The following CNTLN variants were observed in gnomAD, a reference collection of about 807,000 sequenced individuals.
The protein encoded by CNTLN is centlein, also known as centlein, centrosomal protein.
CNTLN carries 212 observed loss-of-function variants against 180.0 expected under a neutral mutation model. That is an observed-to-expected ratio of 1.18 (90% confidence interval 1.05 to 1.32). CNTLN has a LOEUF of 1.32. Among genes scored for constraint, CNTLN ranks in the 40% most tolerant of loss-of-function variants. CNTLN has a pLI of 0.00. For missense variants in CNTLN, 2,095 were observed against 1,610.9 expected (o/e 1.30, Z -5.14); for synonymous variants, 722 against 563.1 (o/e 1.28, Z -3.99).
chr9:17,375,975 C>T (rs1362160939), intron 13 of CNTLN, among the ~76,000 whole-genome samples: 1 of 152,154 alleles, frequency 6.6e-6, no homozygotes, highest in African/African-American at 2.4e-5. Flanking sequence ...TAGGTTTTGA[C>T]AATTTATACT....
intron 13 of CNTLN, among the ~76,000 whole-genome samples, chr9:17,381,772 G>T (rs543378187): frequency 5.3e-5 from 8 of 152,272 alleles, no homozygotes; most frequent in Non-Finnish European, 1.2e-4. Flanking sequence ...CTGTTGGTTG[G>T]CTGGAGTGCT....
At chr9:17,295,314 G>A (rs1452740208) in intron 6 of CNTLN, among the ~76,000 whole-genome samples, 21 of 152,164 alleles carry the variant, frequency 1.4e-4, no homozygotes, top group Admixed American at 1.3e-3. Flanking sequence ...CTCAAGCGCC[G>A]CCAGAGTGGG....
intron 5 of CNTLN, among the ~76,000 whole-genome samples, chr9:17,255,770 A>G (rs1052128064): frequency 1.3e-4 from 19 of 151,824 alleles, no homozygotes; most frequent in African/African-American, 4.6e-4. Context: ...AGAATTATCC[A>G]GTGAAACCAT....
intron 8 of CNTLN, among the ~76,000 whole-genome samples, chr9:17,323,468 G>A (rs1010749824): frequency 2.6e-5 from 4 of 152,174 alleles, no homozygotes; most frequent in Admixed American, 6.5e-5. Flanking sequence ...GGGAGTAGAA[G>A]CACAAGCTCC....
intron 19 of CNTLN, among the ~76,000 whole-genome samples, chr9:17,459,835 T>C (rs1588046681): frequency 6.6e-6 from 1 of 151,662 alleles, no homozygotes; most frequent in Non-Finnish European, 1.5e-5. Flanking sequence ...ATAACCTCAT[T>C]TTACCTGAAT....
At chr9:17,245,731 C>A (rs1576959) in intron 5 of CNTLN, among the ~76,000 whole-genome samples, 31,097 of 151,512 alleles carry the variant, frequency 0.21, 4,040 homozygotes, top group African/African-American at 0.36. Flanking sequence ...CATTCTTTTT[C>A]CTCATTTTTC....
intron 2 of CNTLN, among the ~76,000 whole-genome samples, chr9:17,221,948 A>G (rs1304868661): frequency 6.6e-6 from 1 of 151,946 alleles, no homozygotes; most frequent in African/African-American, 2.4e-5. Flanking sequence ...CTTTGGAAGA[A>G]CTGTTTATAT....
intron 5 of CNTLN, among the ~76,000 whole-genome samples, chr9:17,251,999 C>T (rs1378103263): frequency 6.6e-6 from 1 of 151,774 alleles, no homozygotes; most frequent in Admixed American, 6.6e-5. Flanking sequence ...ATTTGTCTTT[C>T]TCTGCCTGCC....
At chr9:17,231,927 A>C (rs117412762) in intron 3 of CNTLN, among the ~76,000 whole-genome samples, 2,871 of 149,216 alleles carry the variant, frequency 0.019, 39 homozygotes, top group Non-Finnish European at 0.033. Flanking sequence ...GCTTATCTGT[A>C]ATAAATTATT....
chr9:17,240,324 A>C (rs890873030), intron 5 of CNTLN, among the ~76,000 whole-genome samples: 2 of 152,244 alleles, frequency 1.3e-5, no homozygotes, highest in African/African-American at 4.8e-5. Flanking sequence ...ACCTTTCTGA[A>C]TAGGTTAACT....
intron 12 of CNTLN, among the ~76,000 whole-genome samples, chr9:17,344,989 T>G (rs1821768176): frequency 6.6e-6 from 1 of 151,858 alleles, no homozygotes. Flanking sequence ...ACAGGCTATT[T>G]ACTTTCTGAG....
intron 7 of CNTLN, among the ~76,000 whole-genome samples, chr9:17,308,305 G>C (rs1818875199): frequency 1.3e-5 from 2 of 151,964 alleles, no homozygotes; most frequent in African/African-American, 4.8e-5. Context: ...TCAAAATATT[G>C]CTTCTATTTT....
intron 5 of CNTLN, among the ~76,000 whole-genome samples, chr9:17,266,271 A>T (rs558670929): frequency 2.6e-5 from 4 of 152,158 alleles, no homozygotes; most frequent in African/African-American, 9.6e-5. Context: ...TAACATCTTT[A>T]TTTCTGCCTT....
intron 5 of CNTLN, among the ~76,000 whole-genome samples, chr9:17,251,419 C>A (rs1826133341): frequency 6.6e-6 from 1 of 151,868 alleles, no homozygotes; most frequent in South Asian, 2.1e-4. Context: ...TCCCACTGAT[C>A]ACTTTTTTTC....
intron 2 of CNTLN, among the ~76,000 whole-genome samples, chr9:17,162,393 C>G (rs7029144): frequency 0.013 from 2,049 of 152,282 alleles, 48 homozygotes; most frequent in African/African-American, 0.047. Flanking sequence ...GGATTACAGG[C>G]GTGAGCCACC....
intron 8 of CNTLN, among the ~76,000 whole-genome samples, chr9:17,312,345 A>ATATATATATATATATATATATAT (rs1819195238): frequency 6.8e-5 from 1 of 14,608 alleles, no homozygotes; most frequent in African/African-American, 1.4e-4. Context: ...TACTGTATTT[A>ATATATATATATATATATATATAT]TATATATATA....
At chr9:17,352,111 C>T (rs116335281) in intron 12 of CNTLN, among the ~76,000 whole-genome samples, 111 of 151,880 alleles carry the variant, frequency 7.3e-4, no homozygotes, top group African/African-American at 2.5e-3. Context: ...AAATTTTACC[C>T]CCATGTATTA....
rs540320477 is a variant in CNTLN, at chr9:17,460,647, C to A, written c.3307-2269C>A. The stretch of plus-strand genomic sequence containing the variant: ...TAGAGATCTTGGCCAAAGTGTATCT[C>A]AACCTGGCATTGTTTTATTTATTAT... On this transcript the variant is annotated intron_variant, in intron 19 of 25. Transcript: ENST00000380647. Among the ~76,000 whole-genome samples, 11 of 151,864 alleles carry A rather than the reference C, an allele frequency of 7.2e-5. No homozygotes were observed. In the Middle Eastern group the frequency reaches 0.017, roughly 235 times the overall value.
chr9:17,203,689 C>T (rs201044631), intron 2 of CNTLN, among the ~76,000 whole-genome samples: 2 of 152,088 alleles, frequency 1.3e-5, no homozygotes, highest in East Asian at 1.9e-4. Context: ...CCTGAGTAGC[C>T]GGGACTACAG....
Sources: gnomAD v4.1 joint callset for allele counts (sites outside exome capture counted in the v4.1 genomes callset) on GRCh38, gnomAD v4.1.1 for gene constraint, MANE v1.5 for transcripts, NCBI Gene and HGNC (gene_info 2026-07-23, HGNC 2026-07-21) for gene names.